Variants in PCNX1 observed in about 807,000 individuals in gnomAD.
The protein encoded by PCNX1 is pecanex 1.
PCNX1 carries 78 observed loss-of-function variants against 242.2 expected under a neutral mutation model. The observed-to-expected ratio is 0.32, with a 90% CI of 0.27 to 0.39. The LOEUF (loss-of-function observed/expected upper bound fraction) is 0.39, where lower values mean the gene tolerates loss of function less well. Among genes scored for constraint, PCNX1 ranks in the 10% least tolerant of loss-of-function variants. The pLI is 1.00. For synonymous variants in PCNX1, 1,024 were observed against 1,032.9 expected (o/e 0.99, Z 0.17); for missense variants, 2,581 against 2,856.5 (o/e 0.90, Z 2.20).
At chr14:71,032,456 G>A (rs2060414575) in intron 16 of PCNX1, among the ~76,000 whole-genome samples, 1 of 152,054 alleles carries the variant, frequency 6.6e-6, no homozygotes, top group South Asian at 2.1e-4. Flanking sequence ...ATATTTTCAA[G>A]GTTATTGTAA....
chr14:71,077,067 C>T (rs1015298802), intron 28 of PCNX1, among the ~76,000 whole-genome samples: 1 of 152,176 alleles, frequency 6.6e-6, no homozygotes, highest in African/African-American at 2.4e-5. Context: ...CTGGGCCCCA[C>T]CTGCAAGACT....
At chr14:71,000,932 T>G (rs971130640) in intron 8 of PCNX1, among the ~76,000 whole-genome samples, 34 of 152,204 alleles carry the variant, frequency 2.2e-4, no homozygotes, top group African/African-American at 8.2e-4. Flanking sequence ...GCTTCAAATC[T>G]TTGCTCTACC....
chr14:70,954,150 A>G (rs1440252783), intron 2 of PCNX1, among the ~76,000 whole-genome samples: 3 of 152,058 alleles, frequency 2.0e-5, no homozygotes, highest in Non-Finnish European at 4.4e-5. Flanking sequence ...TTTACCCAGT[A>G]TTTGTTAAGT....
intron 1 of PCNX1, among the ~76,000 whole-genome samples, chr14:70,908,822 G>A (rs1486827592): frequency 6.6e-6 from 1 of 152,196 alleles, no homozygotes; most frequent in Non-Finnish European, 1.5e-5. Flanking sequence ...GCCTGTTGCT[G>A]AATTCGGTGC....
At chr14:71,023,945 T>G (rs2060171934) in intron 13 of PCNX1, among the ~76,000 whole-genome samples, 1 of 152,162 alleles carries the variant, frequency 6.6e-6, no homozygotes, top group South Asian at 2.1e-4. Flanking sequence ...GTGGTTTTTG[T>G]TTTTGACTGA....
intron 26 of PCNX1, among the ~76,000 whole-genome samples, chr14:71,068,493 C>T (rs1038682114): frequency 6.7e-6 from 1 of 148,448 alleles, no homozygotes; most frequent in African/African-American, 2.5e-5. Context: ...TACACACACA[C>T]ATATATATGT....
Position 70,977,926 on chromosome 14 carries a change from G to T in PCNX1, c.1589G>T (p.Arg530Leu), listed in dbSNP as rs770904886. The T allele has an allele frequency of 1.1e-5, 18 of 1,614,026 alleles. No individual in the cohort carries two copies. The highest frequency in any genetic ancestry group is 1.5e-5 in the Non-Finnish European group (18 of 1,180,030). Reference protein sequence around the residue: ...KSAVSVDSKVRKDVGGKQKEG... With the variant: ...KSAVSVDSKVLKDVGGKQKEG... ...GCTGTTTCTGTGGATTCCAAAGTGCGTAAAGATGTTGGTGGAAAGCAAAAG... is the reference window on the plus strand; with the variant it reads ...GCTGTTTCTGTGGATTCCAAAGTGCTTAAAGATGTTGGTGGAAAGCAAAAG... The change falls in exon 6 of 36, where the codon CGT becomes CTT. Residue 530 changes from arginine to leucine, a missense_variant. Coordinates refer to ENST00000304743, the MANE Select transcript of PCNX1 (RefSeq NM_014982.3).
intron 9 of PCNX1, 44 bp from the exon 10 acceptor site, chr14:71,011,444 TTTTC>T (rs776054746): frequency 1.2e-5 from 12 of 1,029,212 alleles, no homozygotes; most frequent in Middle Eastern, 4.0e-4. Context: ...AAGGATATAT[TTTTC>T]TTTCTGCTTG....
rs915566199 is a variant in PCNX1 at position 71,020,357 on chromosome 14, C to T, written c.3150+1195C>T. Among the ~76,000 whole-genome samples, 3 of 152,294 alleles carry T rather than the reference C, an allele frequency of 2.0e-5. 1 individual carries two copies. The South Asian group carries it at 6.2e-4, about 32-fold the overall frequency. ...GTTCTGGATCCTTGAGGAATCGCCA[C>T]ACTGTCTTTCATAATGGTTGAACTA... On this transcript the variant is annotated intron_variant, in intron 12 of 35. Transcript: ENST00000304743.
chr14:70,974,499 C>T (rs1006566361), intron 5 of PCNX1, among the ~76,000 whole-genome samples: 1 of 152,060 alleles, frequency 6.6e-6, no homozygotes. Context: ...GTTTTTAGTG[C>T]CTGTATGAAA....
At chr14:70,947,412 G>C (rs576478178) in intron 2 of PCNX1, among the ~76,000 whole-genome samples, 1 of 152,286 alleles carries the variant, frequency 6.6e-6, no homozygotes, top group African/African-American at 2.4e-5. Flanking sequence ...CTGAAGCCAT[G>C]GCAGAAGAAC....
intron 26 of PCNX1, among the ~76,000 whole-genome samples, chr14:71,066,139 A>G (rs908112881): frequency 6.6e-6 from 1 of 152,144 alleles, no homozygotes; most frequent in Non-Finnish European, 1.5e-5. Context: ...GTTTTTCCTA[A>G]TTCTGTGAAG....
intron 6 of PCNX1, among the ~76,000 whole-genome samples, chr14:70,984,572 G>A (rs2058941514): frequency 6.6e-6 from 1 of 151,092 alleles, no homozygotes; most frequent in African/African-American, 2.4e-5. Context: ...ATTTTTAGTA[G>A]AGACGGGGTT....
intron 1 of PCNX1, among the ~76,000 whole-genome samples, chr14:70,911,720 G>A (rs1449639939): frequency 1.3e-5 from 2 of 152,042 alleles, no homozygotes; most frequent in East Asian, 3.8e-4. Flanking sequence ...TATTTCATGG[G>A]TGTTTTTCAA....
intron 11 of PCNX1, among the ~76,000 whole-genome samples, chr14:71,014,326 C>A (rs1240454435): frequency 6.6e-6 from 1 of 152,134 alleles, no homozygotes; most frequent in Non-Finnish European, 1.5e-5. Context: ...ATACCCAGCA[C>A]CCAACAAGTT....
intron 1 of PCNX1, among the ~76,000 whole-genome samples, chr14:70,941,947 C>A (rs1350175562): frequency 2.0e-5 from 3 of 152,214 alleles, no homozygotes; most frequent in Non-Finnish European, 4.4e-5. Flanking sequence ...GGGATATAAT[C>A]TCCTGGTGTG....
At chr14:71,082,824 T>C (rs1017374882) in intron 28 of PCNX1, among the ~76,000 whole-genome samples, 4 of 152,208 alleles carry the variant, frequency 2.6e-5, no homozygotes, top group Admixed American at 2.0e-4. Flanking sequence ...TGTCTTTTAA[T>C]TGGGGCATTT....
intron 28 of PCNX1, among the ~76,000 whole-genome samples, chr14:71,079,381 A>T (rs1164082775): frequency 6.6e-6 from 1 of 152,204 alleles, no homozygotes; most frequent in Non-Finnish European, 1.5e-5. Flanking sequence ...TGCTGGGTCA[A>T]ATGGCATTTC....
chr14:70,984,335 G>A (rs1054240550), intron 6 of PCNX1, among the ~76,000 whole-genome samples: 6 of 151,358 alleles, frequency 4.0e-5, no homozygotes, highest in Admixed American at 6.6e-5. Flanking sequence ...ATGACAACTA[G>A]AAAGTGACTT....
Sources: gnomAD v4.1 joint callset for allele counts (sites outside exome capture counted in the v4.1 genomes callset) on GRCh38, gnomAD v4.1.1 for gene constraint, MANE v1.5 for transcripts, NCBI Gene and HGNC (gene_info 2026-07-23, HGNC 2026-07-21) for gene names.